Variants in PTPRN2 observed in about 807,000 individuals in gnomAD.
PTPRN2 encodes protein tyrosine phosphatase receptor type N2, also known as receptor-type tyrosine-protein phosphatase N2.
PTPRN2 carries 74 observed loss-of-function variants against 118.8 expected under a neutral mutation model. That is an observed-to-expected ratio of 0.62 (90% CI 0.52 to 0.76). The LOEUF (loss-of-function observed/expected upper bound fraction) is 0.76, where lower values mean the gene tolerates loss of function less well. Ranked by LOEUF, PTPRN2 falls within the 30% of genes least tolerant of loss-of-function variation. The pLI is 0.00. For missense variants in PTPRN2, 1,481 were observed against 1,394.4 expected (o/e 1.06, Z -0.99); for synonymous variants, 641 against 608.0 (o/e 1.05, Z -0.80).
At chr7:157,840,149 ATGTGACTGTGTGGCCCTG>A (rs1332755832) in intron 12 of PTPRN2, among the ~76,000 whole-genome samples, 47 of 131,492 alleles carry the variant, frequency 3.6e-4, no homozygotes, top group African/African-American at 1.4e-3. Flanking sequence ...CTGTTACCAC[ATGTGACTGTGTGGCCCTG>A]TGTGACTGTG....
intron 12 of PTPRN2, among the ~76,000 whole-genome samples, chr7:157,766,912 G>T (rs1429799342): frequency 6.6e-6 from 1 of 152,178 alleles, no homozygotes; most frequent in Non-Finnish European, 1.5e-5. Context: ...CTGTCTTCCT[G>T]GCCAGCTCTC....
chr7:158,200,984 A>G (rs561541157), intron 4 of PTPRN2, among the ~76,000 whole-genome samples: 24 of 152,332 alleles, frequency 1.6e-4, no homozygotes, highest in African/African-American at 4.3e-4. Context: ...TATTTAAAAG[A>G]GAACAGCAAA....
At position 158,084,295 on chromosome 7, in the gene PTPRN2, G is replaced by A. The variant is rs1026362928; in HGVS notation, c.1644-2918C>T. On this transcript the variant is annotated intron_variant, in intron 10 of 22. Coordinates refer to ENST00000389418, the MANE Select transcript of PTPRN2 (RefSeq NM_002847.5). Reference sequence around the variant, plus strand: ...CCACCCACCACCCCCCACCCCGCCCGCCACGTCTGCTGTGCAGGTGGCAGA... The same window carrying A: ...CCACCCACCACCCCCCACCCCGCCCACCACGTCTGCTGTGCAGGTGGCAGA... Among the ~76,000 whole-genome samples the A allele has an allele frequency of 3.0e-4, 16 of 52,998 alleles. No homozygotes were observed. In the East Asian group the frequency reaches 5.3e-3, roughly 17 times the overall value. The allele number at this position is 52,998 out of a possible 152,430, so 34.8% of individuals were successfully genotyped here.
intron 2 of PTPRN2, among the ~76,000 whole-genome samples, chr7:158,431,842 A>T (rs1461450583): frequency 6.6e-6 from 1 of 152,208 alleles, no homozygotes; most frequent in Non-Finnish European, 1.5e-5. Context: ...CACCCACCCG[A>T]GGGACAGGCT....
chr7:157,733,877 T>C (rs74203607), intron 12 of PTPRN2, among the ~76,000 whole-genome samples: 2 of 48,070 alleles, frequency 4.2e-5, no homozygotes. Context: ...GTTACTCTTT[T>C]CCGTCCCATG....
chr7:158,193,026 G>A (rs933442937), intron 4 of PTPRN2, among the ~76,000 whole-genome samples: 1 of 152,216 alleles, frequency 6.6e-6, no homozygotes, highest in African/African-American at 2.4e-5. Context: ...CCACAGCCTC[G>A]GGACGTCCAT....
intron 9 of PTPRN2, among the ~76,000 whole-genome samples, chr7:158,121,088 C>T (rs903475549): frequency 1.3e-5 from 2 of 152,266 alleles, no homozygotes; most frequent in East Asian, 1.9e-4. Flanking sequence ...TCCTGTGCTC[C>T]CCAGCAGCCT....
At position 157,664,943 on chromosome 7, in the gene PTPRN2, G is replaced by A. The variant is rs78340686; in HGVS notation, c.2002-8392C>T. ...AAACACAAAGGGTGCATCCTCACCC[G>A]GAACAAAACTCTCCTGGTCAGACGG... On this transcript the variant is annotated intron_variant, in intron 13 of 22. Coordinates refer to ENST00000389418, the MANE Select transcript of PTPRN2 (RefSeq NM_002847.5). Among the ~76,000 whole-genome samples the A allele has an allele frequency of 1.5e-4, 23 of 152,340 alleles. No individual in the cohort carries two copies. In the East Asian group the frequency reaches 3.5e-3, roughly 23 times the overall value.
chr7:157,686,444 C>T (rs1158735325), intron 12 of PTPRN2, among the ~76,000 whole-genome samples: 1 of 152,164 alleles, frequency 6.6e-6, no homozygotes, highest in Non-Finnish European at 1.5e-5. Flanking sequence ...CTTCAAACTC[C>T]TGCTAGCCAT....
At chr7:157,937,504 C>T (rs557950607) in intron 11 of PTPRN2, among the ~76,000 whole-genome samples, 2 of 152,228 alleles carry the variant, frequency 1.3e-5, no homozygotes, top group Admixed American at 6.5e-5. Flanking sequence ...CACTCAGCAT[C>T]GGATGAGAGA....
At chr7:158,259,460 A>G (rs548839918) in intron 3 of PTPRN2, among the ~76,000 whole-genome samples, 1 of 152,322 alleles carries the variant, frequency 6.6e-6, no homozygotes, top group South Asian at 2.1e-4. Flanking sequence ...AGCCCCTGGG[A>G]AAAGCCTAAA....
chr7:158,434,101 A>G (rs1816412588), intron 2 of PTPRN2, among the ~76,000 whole-genome samples: 1 of 152,162 alleles, frequency 6.6e-6, no homozygotes, highest in South Asian at 2.1e-4. Context: ...TCTGATCAAA[A>G]CATTTCCGTC....
At chr7:157,670,489 C>T (rs751062666) in intron 13 of PTPRN2, among the ~76,000 whole-genome samples, 12 of 152,324 alleles carry the variant, frequency 7.9e-5, no homozygotes, top group East Asian at 3.9e-4. Context: ...TGTCTAAGAC[C>T]GGCTTCTGTG....
chr7:158,133,369 G>A (rs548481759), intron 9 of PTPRN2, among the ~76,000 whole-genome samples: 103 of 152,280 alleles, frequency 6.8e-4, no homozygotes, highest in African/African-American at 2.2e-3. Context: ...GCAGAGAGGC[G>A]CGGCCTGCAG....
At chr7:157,672,762 T>A (rs1028377904) in intron 13 of PTPRN2, among the ~76,000 whole-genome samples, 1 of 152,252 alleles carries the variant, frequency 6.6e-6, no homozygotes, top group Non-Finnish European at 1.5e-5. Flanking sequence ...TTAAATGGCA[T>A]AAGATCAATC....
intron 2 of PTPRN2, among the ~76,000 whole-genome samples, chr7:158,325,695 C>T (rs572636878): frequency 2.6e-5 from 4 of 152,290 alleles, no homozygotes; most frequent in African/African-American, 9.6e-5. Context: ...TGTATTCCGA[C>T]AAGAAGGGCA....
At position 157,919,095 on chromosome 7, in the gene PTPRN2, C is replaced by T. The variant is rs138699155; in HGVS notation, c.1724-20358G>A. Among the ~76,000 whole-genome samples, 1,341 of 152,258 alleles carry T rather than the reference C, an allele frequency of 8.8e-3. 26 individuals carry two copies. The highest frequency in any genetic ancestry group is 0.03 in the African/African-American group (1,237 of 41,526). On this transcript the variant is annotated intron_variant, in intron 11 of 22. Transcript: ENST00000389418. ...CCTAGCTCCCACAAGGGTCCTACAG[C>T]GGGCCCGAGAACATGACAAAGAGAA...
intron 11 of PTPRN2, among the ~76,000 whole-genome samples, chr7:157,963,797 C>T (rs759055827): frequency 1.2e-4 from 19 of 152,244 alleles, no homozygotes; most frequent in East Asian, 3.8e-4. Context: ...AGGGCTAACT[C>T]GTTCATCTTT....
chr7:158,481,985 C>T (rs1034082536), intron 2 of PTPRN2, among the ~76,000 whole-genome samples: 24 of 152,172 alleles, frequency 1.6e-4, no homozygotes, highest in African/African-American at 3.6e-4. Flanking sequence ...TTCAGGGATT[C>T]AGGACTTCAG....
Sources: allele counts gnomAD v4.1 joint callset (sites outside exome capture counted in the v4.1 genomes callset), GRCh38; gene constraint gnomAD v4.1.1; transcripts MANE v1.5; gene names NCBI Gene and HGNC (gene_info 2026-07-23, HGNC 2026-07-21).